Variants in MOXD1 observed in about 807,000 individuals in gnomAD.
The protein encoded by MOXD1 is DBH-like monooxygenase protein 1.
A neutral mutation model predicts 66.6 loss-of-function variants in MOXD1; 62 were observed. The ratio of observed to expected loss-of-function variants is 0.93; its 90% confidence interval spans 0.76 to 1.15. MOXD1 has a LOEUF of 1.15. Among genes scored for constraint, MOXD1 ranks in the 50% most tolerant of loss-of-function variants. The probability of loss-of-function intolerance (pLI) is 0.00; values close to 1 mark genes in which losing one functional copy is unlikely to be tolerated. For synonymous variants in MOXD1, 303 were observed against 281.9 expected (o/e 1.07, Z -0.75); for missense variants, 847 against 754.6 (o/e 1.12, Z -1.44).
intron 4 of MOXD1, among the ~76,000 whole-genome samples, chr6:132,340,520 A>T (rs954131200): frequency 6.6e-6 from 1 of 150,794 alleles, no homozygotes; most frequent in South Asian, 2.1e-4. Context: ...AAAAATATAC[A>T]TATAAAACAA....
At chr6:132,300,758 C>T (rs938456819) in intron 10 of MOXD1, among the ~76,000 whole-genome samples, 28 of 152,156 alleles carry the variant, frequency 1.8e-4, no homozygotes, top group Non-Finnish European at 2.6e-4. Flanking sequence ...CCCAATGGCG[C>T]GTATGTTGGA....
intron 8 of MOXD1, among the ~76,000 whole-genome samples, chr6:132,321,046 C>A (rs984124064): frequency 1.3e-5 from 2 of 152,174 alleles, no homozygotes; most frequent in Non-Finnish European, 1.5e-5. Context: ...GCAGGTGGAT[C>A]ACGAGGTCAG....
chr6:132,340,723 T>C (rs1238998458), intron 4 of MOXD1, among the ~76,000 whole-genome samples: 1 of 140,288 alleles, frequency 7.1e-6, no homozygotes, highest in Non-Finnish European at 1.5e-5. Context: ...CTCTGCTCAC[T>C]GCAAGCTCCG....
intron 1 of MOXD1, among the ~76,000 whole-genome samples, chr6:132,376,195 T>G (rs1055570658): frequency 2.0e-5 from 3 of 152,246 alleles, no homozygotes; most frequent in African/African-American, 7.2e-5. Flanking sequence ...AGAATATACA[T>G]GCTGAAACAT....
chr6:132,397,199 T>C (rs1474383812), intron 1 of MOXD1, among the ~76,000 whole-genome samples: 3 of 152,214 alleles, frequency 2.0e-5, no homozygotes, highest in African/African-American at 7.2e-5. Flanking sequence ...GAAACAAGGC[T>C]TCATATTCTT....
At chr6:132,376,946 G>T (rs1353153769) in intron 1 of MOXD1, among the ~76,000 whole-genome samples, 1 of 152,172 alleles carries the variant, frequency 6.6e-6, no homozygotes, top group Non-Finnish European at 1.5e-5. Context: ...GAACAAAGAG[G>T]CTAAGCGACT....
chr6:132,354,963 A>T (rs1775883956), intron 4 of MOXD1, among the ~76,000 whole-genome samples: 1 of 152,082 alleles, frequency 6.6e-6, no homozygotes, highest in Non-Finnish European at 1.5e-5. Flanking sequence ...GGCCTCACTC[A>T]GCTCCCACAC....
At position 132,401,430 on chromosome 6, in the gene MOXD1, C is replaced by T. The variant is rs1422574937; in HGVS notation, c.-4G>A. 2.7e-6 allele frequency: 4 copies of T among 1,469,156 alleles called. No individual in the cohort carries two copies. Among genetic ancestry groups the T allele is most frequent in the Non-Finnish European group, 3.6e-6 (4 of 1,115,672 alleles). The allele number at this position is 1,469,156 out of a possible 1,614,324, so 91.0% of individuals were successfully genotyped here. A position where few individuals can be genotyped will look rare whatever the true frequency, so the allele number is the denominator to read the frequency against. ...GGAGCAGCGGCCAGCAGCACATCCT[C>T]GGGCGCCTCCTGCCCGCCGGTACCG... is the stretch of plus-strand genomic sequence containing the variant. On this transcript the variant is annotated 5_prime_UTR_variant, in exon 1 of 12. Coordinates refer to ENST00000367963, the MANE Select transcript of MOXD1 (RefSeq NM_015529.4).
In MOXD1 at chr6:132,399,156, A is replaced by T. The variant is rs192796428; in HGVS notation, c.264+2007T>A. 1.5e-4 allele frequency among the ~76,000 whole-genome samples: 23 copies of T among 152,242 alleles called. No individual in the cohort carries two copies. The East Asian group carries it at 3.7e-3, about 24-fold the overall frequency. ...TTTGGTGTATTTCATCTTATTAAAC[A>T]GATTTTAAGTTAACTGTCTTTCCAT... On this transcript the variant is annotated intron_variant, in intron 1 of 11. Transcript: ENST00000367963.
intron 4 of MOXD1, among the ~76,000 whole-genome samples, chr6:132,347,474 A>G (rs1204094832): frequency 6.6e-6 from 1 of 152,052 alleles, no homozygotes; most frequent in Non-Finnish European, 1.5e-5. Flanking sequence ...GTCAGAAGTT[A>G]GAGACCAGCC....
At chr6:132,320,731 T>C in intron 8 of MOXD1, 43 bp from the exon 9 acceptor site, 1 of 1,495,242 alleles carries the variant, frequency 6.7e-7, no homozygotes, top group Non-Finnish European at 9.2e-7. Context: ...AGTTTTATGC[T>C]GGCTTATTTA....
intron 4 of MOXD1, among the ~76,000 whole-genome samples, chr6:132,347,442 C>G (rs1216760746): frequency 6.6e-6 from 1 of 151,970 alleles, no homozygotes; most frequent in Non-Finnish European, 1.5e-5. Context: ...TTTGGGAGGC[C>G]GAGGCAGACA....
At position 132,369,742 on chromosome 6, in the gene MOXD1, T is replaced by C. The variant is rs570174848; in HGVS notation, c.663+2866A>G. ...AGTGTGAATATGCTGGACAAAGGAA[T>C]GATTCACGTCCCAGCTGGAATGAAG... On this transcript the variant is annotated intron_variant, in intron 4 of 11. Transcript: ENST00000367963. Among the ~76,000 whole-genome samples, 8 of 152,224 alleles carry C rather than the reference T, an allele frequency of 5.3e-5. No individual in the cohort carries two copies. The South Asian group carries it at 1.7e-3, about 32-fold the overall frequency.
At chr6:132,340,275 T>G (rs72994817) in intron 4 of MOXD1, among the ~76,000 whole-genome samples, 5,319 of 152,238 alleles carry the variant, frequency 0.035, 121 homozygotes, top group Non-Finnish European at 0.052. Context: ...AAAAATGGGT[T>G]TGATGATGAT....
At chr6:132,389,134 C>T (rs1293406836) in intron 1 of MOXD1, among the ~76,000 whole-genome samples, 1 of 151,136 alleles carries the variant, frequency 6.6e-6, no homozygotes, top group Admixed American at 6.6e-5. Flanking sequence ...AAACTCCTGG[C>T]TTCAAGTGAT....
chr6:132,349,424 T>C (rs368621776), intron 4 of MOXD1, among the ~76,000 whole-genome samples: 1,084 of 22,084 alleles, frequency 0.049, 57 homozygotes, highest in Middle Eastern at 0.29. Context: ...TATATATACA[T>C]ATATATATAT....
chr6:132,347,294 G>A (rs1271166004), intron 4 of MOXD1, among the ~76,000 whole-genome samples: 1 of 152,166 alleles, frequency 6.6e-6, no homozygotes, highest in Non-Finnish European at 1.5e-5. Flanking sequence ...AGGATACAGT[G>A]GAGATACAAG....
chr6:132,345,477 A>T (rs1038077073), intron 4 of MOXD1, among the ~76,000 whole-genome samples: 6 of 152,196 alleles, frequency 3.9e-5, no homozygotes, highest in Non-Finnish European at 5.9e-5. Context: ...TATATAAAGC[A>T]TTTATCCTAT....
At chr6:132,308,604 C>T (rs1410033262) in intron 10 of MOXD1, among the ~76,000 whole-genome samples, 3 of 152,100 alleles carry the variant, frequency 2.0e-5, no homozygotes, top group Non-Finnish European at 2.9e-5. Context: ...TTATGAACAT[C>T]GATGCGAAAA....
Sources: allele counts gnomAD v4.1 joint callset (sites outside exome capture counted in the v4.1 genomes callset), GRCh38; gene constraint gnomAD v4.1.1; transcripts MANE v1.5; gene names NCBI Gene and HGNC (gene_info 2026-07-23, HGNC 2026-07-21).